The following GATAD2B variants were observed in gnomAD, a reference collection of about 807,000 sequenced individuals.
GATAD2B encodes transcriptional repressor p66-beta.
A neutral mutation model predicts 64.3 loss-of-function variants in GATAD2B; 8 were observed. The observed-to-expected ratio is 0.12, with a 90% confidence interval of 0.07 to 0.22. The LOEUF (loss-of-function observed/expected upper bound fraction) is 0.22, where lower values mean the gene tolerates loss of function less well. Ranked by LOEUF, GATAD2B falls within the 10% of genes least tolerant of loss-of-function variation. GATAD2B has a pLI of 1.00. For synonymous variants in GATAD2B, 281 were observed against 271.3 expected, an observed-to-expected ratio of 1.04 and a Z score of -0.35; for missense variants, 453 against 752.0, an observed-to-expected ratio of 0.60 and a Z score of 4.65.
chr1:153,811,595 A>G (rs1371953194), intron 10 of GATAD2B, 136 bp downstream of exon 10: 1 of 717,952 alleles, frequency 1.4e-6, no homozygotes, highest in Non-Finnish European at 2.5e-6. Flanking sequence ...TTTGCTGAGT[A>G]ACAGAAGAGT....
chr1:153,823,492 C>T (rs1674755385), intron 2 of GATAD2B, among the ~76,000 whole-genome samples: 1 of 152,156 alleles, frequency 6.6e-6, no homozygotes, highest in Non-Finnish European at 1.5e-5. Flanking sequence ...TTAAGAACTT[C>T]TCTTGCCTTC....
chr1:153,864,427 G>A (rs1047109171), intron 1 of GATAD2B, among the ~76,000 whole-genome samples: 1 of 152,176 alleles, frequency 6.6e-6, no homozygotes, highest in Non-Finnish European at 1.5e-5. Flanking sequence ...GACCAACCTG[G>A]GCAATATAGG....
rs1178951911 is a variant in GATAD2B at position 153,833,389 on chromosome 1, AT to A, written c.-1-5042del. ...GATCCCTTTCAAAATATTACTGCTCATTGACAATGCACCCAGTCACCAAGAG... is the reference window on the plus strand; with the variant it reads ...GATCCCTTTCAAAATATTACTGCTCATGACAATGCACCCAGTCACCAAGAG... On this transcript the variant is annotated intron_variant, in intron 1 of 10. Coordinates refer to ENST00000368655, the MANE Select transcript of GATAD2B (RefSeq NM_020699.4). Among the ~76,000 whole-genome samples the A allele has an allele frequency of 7.7e-4, 118 of 152,348 alleles. 3 individuals carry two copies. Among genetic ancestry groups the A allele is most frequent in the East Asian group, 1.9e-4 (1 of 5,194 alleles).
chr1:153,914,885 C>G (rs1185603640), intron 1 of GATAD2B: 1 of 152,204 alleles, frequency 6.6e-6, no homozygotes, highest in Admixed American at 6.6e-5. Context: ...TATGACTGTG[C>G]CATTGCATTC....
chr1:153,875,704 A>AG, intron 1 of GATAD2B, among the ~76,000 whole-genome samples: 1 of 151,098 alleles, frequency 6.6e-6, no homozygotes, highest in Non-Finnish European at 1.5e-5. Flanking sequence ...AAAAAAAAAA[A>AG]AGGTAGCCAC....
intron 2 of GATAD2B, among the ~76,000 whole-genome samples, chr1:153,820,521 T>G (rs776219325): frequency 2.6e-5 from 4 of 152,264 alleles, no homozygotes; most frequent in Non-Finnish European, 5.9e-5. Flanking sequence ...TCCGTGACTG[T>G]ATCTTCTAAT....
chr1:153,839,944 A>T (rs1675416258), intron 1 of GATAD2B, among the ~76,000 whole-genome samples: 1 of 151,932 alleles, frequency 6.6e-6, no homozygotes, highest in South Asian at 2.1e-4. Context: ...ATTGCACCCT[A>T]GACCTGGCGA....
At chr1:153,835,753 T>C (rs1476277044) in intron 1 of GATAD2B, among the ~76,000 whole-genome samples, 1 of 152,176 alleles carries the variant, frequency 6.6e-6, no homozygotes, top group East Asian at 1.9e-4. Flanking sequence ...GACAGACTCT[T>C]GCTCTGTCGT....
chr1:153,820,387 G>A (rs1306591339), intron 2 of GATAD2B, among the ~76,000 whole-genome samples: 2 of 151,976 alleles, frequency 1.3e-5, no homozygotes, highest in African/African-American at 4.8e-5. Flanking sequence ...TCTCATTTAG[G>A]TCATTCTGGG....
Position 153,824,368 on chromosome 1 carries a change from G to A in GATAD2B, c.335+3645C>T, listed in dbSNP as rs115131238. 2.6e-3 allele frequency among the ~76,000 whole-genome samples: 403 copies of A among 152,132 alleles called. 4 individuals are homozygous for A. Among genetic ancestry groups the A allele is most frequent in the African/African-American group, 9.3e-3 (387 of 41,534 alleles). ...GGTTTGGCTAGGTGTGGTGGCTCACGCCCATAATCCCGGCACTTTGGGAGG... is the reference window on the plus strand; with the variant it reads ...GGTTTGGCTAGGTGTGGTGGCTCACACCCATAATCCCGGCACTTTGGGAGG... On this transcript the variant is annotated intron_variant, in intron 2 of 10. Transcript: ENST00000368655.
Position 153,888,911 on chromosome 1 carries a change from T to C in GATAD2B, c.-2+33822A>G, listed in dbSNP as rs1469375129. ...CTCTTATCTTTATCCTCTGAAATCA[T>C]AAACAATGCAAAAAAGAAAAAAATA... is the stretch of plus-strand genomic sequence containing the variant. On this transcript the variant is annotated intron_variant, in intron 1 of 10. Coordinates refer to ENST00000368655, the MANE Select transcript of GATAD2B (RefSeq NM_020699.4). 2.0e-5 allele frequency among the ~76,000 whole-genome samples: 3 copies of C among 151,990 alleles called. No individual in the cohort carries two copies. In the South Asian group the frequency reaches 6.2e-4, roughly 31 times the overall value.
At chr1:153,812,190 C>CA (rs1674315861) in intron 8 of GATAD2B, 58 bp from the exon 9 acceptor site, 2 of 611,482 alleles carry the variant, frequency 3.3e-6, no homozygotes, top group Non-Finnish European at 2.8e-6. Context: ...ACCCAATTTC[C>CA]TTTTTTTTTT....
chr1:153,903,481 C>G (rs1294867319), intron 1 of GATAD2B, among the ~76,000 whole-genome samples: 1 of 152,088 alleles, frequency 6.6e-6, no homozygotes, highest in Non-Finnish European at 1.5e-5. Context: ...ACTAGGCAAT[C>G]AGCATTCCTA....
intron 1 of GATAD2B, among the ~76,000 whole-genome samples, chr1:153,890,181 A>C (rs1191367962): frequency 6.7e-6 from 1 of 150,040 alleles, no homozygotes; most frequent in Non-Finnish European, 1.5e-5. Context: ...TCAAAAAAAA[A>C]AAAAAGAAAA....
chr1:153,861,967 C>A (rs1348788146), intron 1 of GATAD2B, among the ~76,000 whole-genome samples: 1 of 150,266 alleles, frequency 6.7e-6, no homozygotes, highest in Non-Finnish European at 1.5e-5. Flanking sequence ...CCGCATACTG[C>A]AACCTTGTGG....
intron 1 of GATAD2B, among the ~76,000 whole-genome samples, chr1:153,876,425 C>T (rs982656861): frequency 6.6e-6 from 1 of 152,082 alleles, no homozygotes; most frequent in African/African-American, 2.4e-5. Flanking sequence ...TTACTGTTTA[C>T]ATGCTCTTAC....
chr1:153,902,189 G>A lies in GATAD2B; in HGVS notation c.-2+20544C>T, dbSNP rs193058469. Among the ~76,000 whole-genome samples, 911 of 152,142 alleles carry A rather than the reference G, an allele frequency of 6.0e-3. 8 individuals carry two copies. Among genetic ancestry groups the A allele is most frequent in the Non-Finnish European group, 8.7e-3 (589 of 68,026 alleles). On this transcript the variant is annotated intron_variant, in intron 1 of 10. Coordinates refer to ENST00000368655, the MANE Select transcript of GATAD2B (RefSeq NM_020699.4). Reference sequence around the variant, plus strand: ...CAGCTACTCAGCAAGGCTGAGGCAGGAGAATCACTTGAACCCAGGAGGCGG... The same window carrying A: ...CAGCTACTCAGCAAGGCTGAGGCAGAAGAATCACTTGAACCCAGGAGGCGG...
chr1:153,917,977 G>A (rs1246196606), intron 1 of GATAD2B, among the ~76,000 whole-genome samples: 1 of 152,208 alleles, frequency 6.6e-6, no homozygotes, highest in South Asian at 2.1e-4. Flanking sequence ...AAGGAGGTGA[G>A]GCAATCAGCC....
chr1:153,881,612 T>C (rs927077077), intron 1 of GATAD2B, among the ~76,000 whole-genome samples: 3 of 152,236 alleles, frequency 2.0e-5, no homozygotes, highest in African/African-American at 7.2e-5. Flanking sequence ...TTCGAGTTTC[T>C]GCTTTTAGCA....
Sources: allele counts gnomAD v4.1 joint callset (sites outside exome capture counted in the v4.1 genomes callset), GRCh38; gene constraint gnomAD v4.1.1; transcripts MANE v1.5; gene names NCBI Gene and HGNC (gene_info 2026-07-23, HGNC 2026-07-21).